The following ZDHHC2 variants were observed in gnomAD, a reference collection of about 807,000 sequenced individuals.
ZDHHC2 encodes the protein zDHHC palmitoyltransferase 2, also known as palmitoyltransferase ZDHHC2.
In ZDHHC2, 51 loss-of-function variants were observed where a neutral mutation model predicts 55.6. The observed-to-expected ratio is 0.92, with a 90% confidence interval of 0.73 to 1.16. The LOEUF is 1.16. ZDHHC2 is among the 50% of genes most tolerant of loss of function. The probability of loss-of-function intolerance (pLI) is 0.00; values close to 1 mark genes in which losing one functional copy is unlikely to be tolerated. For missense variants in ZDHHC2, 491 were observed against 442.4 expected (o/e 1.11, Z -0.99); for synonymous variants, 199 against 152.9 (o/e 1.30, Z -2.22).
At position 17,192,902 on chromosome 8, in the gene ZDHHC2, C is replaced by A. The variant is rs58880203; in HGVS notation, c.253-2602C>A. On this transcript the variant is annotated intron_variant, in intron 3 of 12. Transcript: ENST00000262096. ...CCCTTTCCCCAGTGTATGTTCTTGG[C>A]ATCTGTGTTGAAAATGAGTTTACTG... 9.3e-3 allele frequency among the ~76,000 whole-genome samples: 1,413 copies of A among 152,296 alleles called. 32 individuals are homozygous for A. The highest frequency in any genetic ancestry group is 0.032 in the African/African-American group (1,312 of 41,560).
chr8:17,216,182 C>T (rs536218380), intron 11 of ZDHHC2, among the ~76,000 whole-genome samples: 1 of 152,288 alleles, frequency 6.6e-6, no homozygotes, highest in African/African-American at 2.4e-5. Flanking sequence ...TCCTTCGTTT[C>T]TAGTCTTTTC....
At chr8:17,209,460 C>G (rs1181816498) in intron 8 of ZDHHC2, among the ~76,000 whole-genome samples, 1 of 152,138 alleles carries the variant, frequency 6.6e-6, no homozygotes, top group Non-Finnish European at 1.5e-5. Context: ...GTACTCCACT[C>G]TGGGCAACAG....
At chr8:17,186,479 T>TCA in intron 3 of ZDHHC2, 54 bp downstream of exon 3, 27 of 1,059,750 alleles carry the variant, frequency 2.5e-5, no homozygotes, top group South Asian at 3.8e-5. Context: ...ATAATACTGA[T>TCA]GTATTATTGA....
rs1054366366 is a variant in ZDHHC2 at position 17,223,074 on chromosome 8, C to T, written c.*2853C>T. On this transcript the variant is annotated 3_prime_UTR_variant, in exon 13 of 13. Transcript: ENST00000262096. ...AAATTAGGCACGCAATCATGTGATT[C>T]ATGCTTCAAGAAAATATATGAAAAA... is the stretch of plus-strand genomic sequence containing the variant. 1 of 151,828 alleles carries T rather than the reference C, an allele frequency of 6.6e-6. No individual in the cohort carries two copies. The highest frequency in any genetic ancestry group is 1.5e-5 in the Non-Finnish European group (1 of 67,800). 9.4% of individuals were successfully genotyped at this position (151,828 alleles called of 1,614,324 possible).
At chr8:17,219,503 T>C (rs919236530) in intron 12 of ZDHHC2, among the ~76,000 whole-genome samples, 1 of 152,100 alleles carries the variant, frequency 6.6e-6, no homozygotes, top group Non-Finnish European at 1.5e-5. Flanking sequence ...ACACTTGTAA[T>C]TTCAGCACTT....
intron 1 of ZDHHC2, among the ~76,000 whole-genome samples, chr8:17,167,363 T>C (rs1000161960): frequency 1.4e-5 from 2 of 147,052 alleles, no homozygotes; most frequent in African/African-American, 5.1e-5. Flanking sequence ...TGAAGTGCGA[T>C]GGTGCAATAT....
chr8:17,201,486 T>TTTG (rs1393167402), intron 6 of ZDHHC2, among the ~76,000 whole-genome samples: 4 of 111,520 alleles, frequency 3.6e-5, no homozygotes, highest in African/African-American at 1.1e-4. Context: ...TCTCTCTTTT[T>TTTG]TTTTTTTTTT....
intron 3 of ZDHHC2, among the ~76,000 whole-genome samples, chr8:17,193,167 T>C (rs1806120069): frequency 6.6e-6 from 1 of 152,226 alleles, no homozygotes; most frequent in South Asian, 2.1e-4. Context: ...TGATTCCATA[T>C]ACATTTTAGT....
chr8:17,183,508 C>T (rs1195671944), intron 1 of ZDHHC2, among the ~76,000 whole-genome samples: 1 of 152,164 alleles, frequency 6.6e-6, no homozygotes, highest in African/African-American at 2.4e-5. Context: ...TCATCCAGGC[C>T]TGCCTGTCTC....
At chr8:17,198,675 A>G (rs1476086682) in intron 6 of ZDHHC2, among the ~76,000 whole-genome samples, 1 of 152,238 alleles carries the variant, frequency 6.6e-6, no homozygotes, top group Non-Finnish European at 1.5e-5. Flanking sequence ...TTTTGTTTGT[A>G]TGCATGTGCA....
At chr8:17,186,494 C>T (rs970753276) in intron 3 of ZDHHC2, 69 bp downstream of exon 3, 114 of 919,668 alleles carry the variant, frequency 1.2e-4, no homozygotes, top group Non-Finnish European at 1.5e-4. Context: ...TATTGAAGAA[C>T]GAATTTTATT....
intron 1 of ZDHHC2, among the ~76,000 whole-genome samples, chr8:17,157,248 C>G (rs562228577): frequency 5.7e-4 from 87 of 152,320 alleles, no homozygotes; most frequent in African/African-American, 2.0e-3. Flanking sequence ...CCGAGCTGCG[C>G]CAGACCCGCG....
intron 12 of ZDHHC2, among the ~76,000 whole-genome samples, 196 bp from the exon 13 acceptor site, chr8:17,220,060 C>T (rs912823679): frequency 6.6e-6 from 1 of 151,950 alleles, no homozygotes; most frequent in African/African-American, 2.4e-5. Context: ...TTAATAGGAT[C>T]CTTTCGTATA....
At position 17,186,423 on chromosome 8, in the gene ZDHHC2, G is replaced by A; in HGVS notation, c.250G>A (p.Glu84Lys). The A allele has an allele frequency of 6.6e-7, 1 of 1,520,028 alleles. No individual in the cohort carries two copies. The highest frequency in any genetic ancestry group is 8.8e-7 in the Non-Finnish European group (1 of 1,130,172). The allele number at this position is 1,520,028 out of a possible 1,614,324, so 94.2% of individuals were successfully genotyped here. A position where few individuals can be genotyped will look rare whatever the true frequency, so the allele number is the denominator to read the frequency against. ...TACATTACCAATGAATCCTTCAAAA[G>A]AAGTAAGTTAAAATATTAACGAAAT... ...IFTLPMNPSKEFHLSYAEKDL... is the reference protein window; with the variant it reads ...IFTLPMNPSKKFHLSYAEKDL... The change falls in exon 3 of 13, where the codon GAA becomes AAA. Residue 84 changes from glutamate (E) to lysine (K), a missense_variant and splice_region_variant. By Grantham distance (56) the Glu-to-Lys change is moderately conservative (BLOSUM62 1). Coordinates refer to ENST00000262096, the MANE Select transcript of ZDHHC2 (RefSeq NM_016353.5).
rs1805628175 is a variant in ZDHHC2, at chr8:17,184,803, A to G, written c.145A>G (p.Thr49Ala). ...TCTCTTTACAGTGTCCATGGAAAACACTGGCGAACAAGGTAAGCTAGATTA... is the reference window on the plus strand; with the variant it reads ...TCTCTTTACAGTGTCCATGGAAAACGCTGGCGAACAAGGTAAGCTAGATTA... ...IQLCIVSMEN[T>A]GEQVVCLMAY... Residue 49 changes from threonine (T) to alanine (A), a missense_variant, in exon 2 of 13, where the codon ACT (threonine) becomes GCT (alanine). Physicochemically the swap from Thr to Ala is moderately conservative, Grantham distance 58 (BLOSUM62 0). Coordinates refer to ENST00000262096, the MANE Select transcript of ZDHHC2 (RefSeq NM_016353.5). 2 of 1,550,642 alleles carry G rather than the reference A, an allele frequency of 1.3e-6. No individual in the cohort carries two copies. The highest frequency in any genetic ancestry group is 1.7e-6 in the Non-Finnish European group (2 of 1,146,496).
intron 12 of ZDHHC2, among the ~76,000 whole-genome samples, chr8:17,218,014 A>C (rs1807727052): frequency 6.6e-6 from 1 of 152,188 alleles, no homozygotes; most frequent in Non-Finnish European, 1.5e-5. Context: ...CACTTGTAAA[A>C]CAAAATGATT....
intron 1 of ZDHHC2, among the ~76,000 whole-genome samples, chr8:17,180,860 G>A (rs1039612911): frequency 7.9e-5 from 12 of 152,112 alleles, no homozygotes; most frequent in African/African-American, 2.2e-4. Flanking sequence ...ACAATACTAA[G>A]GAAGAACCAA....
intron 1 of ZDHHC2, among the ~76,000 whole-genome samples, chr8:17,166,285 C>T (rs1240476819): frequency 6.6e-6 from 1 of 152,058 alleles, no homozygotes; most frequent in Non-Finnish European, 1.5e-5. Flanking sequence ...TTTACAGTAG[C>T]GACAGCAGAA....
chr8:17,197,472 A>G, intron 4 of ZDHHC2, 110 bp from the exon 5 acceptor site: 1 of 943,472 alleles, frequency 1.1e-6, no homozygotes, highest in East Asian at 2.7e-5. Context: ...TACCATATTT[A>G]AATTTCATAT....
Sources: allele counts gnomAD v4.1 joint callset (sites outside exome capture counted in the v4.1 genomes callset), GRCh38; gene constraint gnomAD v4.1.1; transcripts MANE v1.5; gene names NCBI Gene and HGNC (gene_info 2026-07-23, HGNC 2026-07-21).